ELOVL7: variants seen among roughly 807,000 people sequenced by gnomAD.
ELOVL7 encodes ELOVL fatty acid elongase 7, also known as very long chain fatty acid elongase 7.
Under a neutral mutation model 35.7 loss-of-function variants are expected in ELOVL7, and 27 were observed. The observed-to-expected ratio is 0.76, with a 90% confidence interval of 0.56 to 1.04. The LOEUF is 1.04. ELOVL7 is among the 50% of genes least tolerant of loss of function. ELOVL7 has a pLI of 0.00. For synonymous variants in ELOVL7, 113 were observed against 114.6 expected, an observed-to-expected ratio of 0.99 and a Z score of 0.09; for missense variants, 327 against 340.8, an observed-to-expected ratio of 0.96 and a Z score of 0.32.
At chr5:60,816,262 C>G (rs1745510464) in intron 1 of ELOVL7, among the ~76,000 whole-genome samples, 1 of 151,894 alleles carries the variant, frequency 6.6e-6, no homozygotes, top group African/African-American at 2.4e-5. Context: ...CCCTGTAGTC[C>G]CAGCTACTCA....
At chr5:60,779,499 G>A (rs191341655) in intron 3 of ELOVL7, among the ~76,000 whole-genome samples, 90 of 152,256 alleles carry the variant, frequency 5.9e-4, no homozygotes, top group African/African-American at 2.1e-3. Context: ...AAAGCTTGGG[G>A]CCTGCACCCT....
chr5:60,767,197 C>T (rs921111384), intron 5 of ELOVL7, among the ~76,000 whole-genome samples: 1 of 152,034 alleles, frequency 6.6e-6, no homozygotes, highest in Non-Finnish European at 1.5e-5. Context: ...TGGGTTCAAG[C>T]GATTTTCCTG....
intron 1 of ELOVL7, among the ~76,000 whole-genome samples, chr5:60,803,304 A>T (rs1744749347): frequency 6.6e-6 from 1 of 152,220 alleles, no homozygotes; most frequent in African/African-American, 2.4e-5. Context: ...GGTAGCTCAC[A>T]TGGAAGAAGG....
chr5:60,808,100 T>C (rs1000150260), intron 1 of ELOVL7, among the ~76,000 whole-genome samples: 6 of 119,606 alleles, frequency 5.0e-5, no homozygotes, highest in African/African-American at 1.6e-4. Context: ...AAAAGATAAA[T>C]CAGAAACAGC....
chr5:60,841,726 G>A (rs1457309793), intron 1 of ELOVL7, among the ~76,000 whole-genome samples: 2 of 152,040 alleles, frequency 1.3e-5, no homozygotes, highest in African/African-American at 4.8e-5. Flanking sequence ...TATGTGCTAC[G>A]TTTTTCAATA....
At chr5:60,765,063 G>A (rs56376821) in intron 6 of ELOVL7, among the ~76,000 whole-genome samples, 2,819 of 152,216 alleles carry the variant, frequency 0.019, 105 homozygotes, top group African/African-American at 0.065. Context: ...ATAGCACAAA[G>A]AAAAGTATTA....
At chr5:60,772,236 T>G in intron 3 of ELOVL7, 143 bp from the exon 4 acceptor site, 1 of 585,410 alleles carries the variant, frequency 1.7e-6, no homozygotes, top group South Asian at 2.5e-5. Context: ...TTTAGAAAGG[T>G]GAAAAAGAAA....
At chr5:60,790,783 A>G (rs1230747728) in intron 2 of ELOVL7, among the ~76,000 whole-genome samples, 1 of 152,194 alleles carries the variant, frequency 6.6e-6, no homozygotes, top group Non-Finnish European at 1.5e-5. Flanking sequence ...TCAATTTCCT[A>G]ATCTGTAAAA....
intron 1 of ELOVL7, among the ~76,000 whole-genome samples, chr5:60,820,968 A>G (rs1472709969): frequency 6.6e-6 from 1 of 152,096 alleles, no homozygotes; most frequent in African/African-American, 2.4e-5. Context: ...CTAGTGAATT[A>G]TCTGTTTTTA....
chr5:60,772,142 A>C, intron 3 of ELOVL7, 49 bp from the exon 4 acceptor site: 1 of 1,237,010 alleles, frequency 8.1e-7, no homozygotes, highest in Non-Finnish European at 1.1e-6. Flanking sequence ...CCAAGGGGTA[A>C]CTAACAGCAA....
At chr5:60,797,203 C>T (rs183230188) in intron 2 of ELOVL7, among the ~76,000 whole-genome samples, 210 of 152,250 alleles carry the variant, frequency 1.4e-3, no homozygotes, top group South Asian at 7.0e-3. Flanking sequence ...TGTGTGTATG[C>T]GGCAATATAT....
At chr5:60,825,605 A>G (rs1746123933) in intron 1 of ELOVL7, among the ~76,000 whole-genome samples, 1 of 152,170 alleles carries the variant, frequency 6.6e-6, no homozygotes, top group African/African-American at 2.4e-5. Flanking sequence ...AGACACTGAA[A>G]TATTTGTTGA....
chr5:60,802,991 T>C (rs1482485728), intron 1 of ELOVL7, among the ~76,000 whole-genome samples: 3 of 152,176 alleles, frequency 2.0e-5, no homozygotes, highest in Non-Finnish European at 4.4e-5. Flanking sequence ...CCCTTCCAAA[T>C]AGCACATTCT....
intron 1 of ELOVL7, among the ~76,000 whole-genome samples, chr5:60,819,030 G>A (rs1375274724): frequency 0.013 from 1 of 76 alleles, no homozygotes; most frequent in Non-Finnish European, 0.028. Context: ...AGAGGGGAGG[G>A]GAGGGGAGGG....
intron 8 of ELOVL7, among the ~76,000 whole-genome samples, chr5:60,755,245 G>C (rs1741468121): frequency 1.3e-5 from 2 of 152,026 alleles, no homozygotes; most frequent in Non-Finnish European, 2.9e-5. Context: ...CCTGTTATTG[G>C]ACCAGATATT....
At chr5:60,839,955 G>GCA (rs1747065407) in intron 1 of ELOVL7, among the ~76,000 whole-genome samples, 1 of 151,982 alleles carries the variant, frequency 6.6e-6, no homozygotes, top group Non-Finnish European at 1.5e-5. Context: ...AGCCATGACT[G>GCA]TGCCACTGCA....
At chr5:60,807,197 C>T (rs1292609908) in intron 1 of ELOVL7, among the ~76,000 whole-genome samples, 1 of 151,558 alleles carries the variant, frequency 6.6e-6, no homozygotes, top group African/African-American at 2.4e-5. Context: ...AATGGTACAA[C>T]AGGATTGATT....
intron 3 of ELOVL7, among the ~76,000 whole-genome samples, chr5:60,786,494 T>C (rs1743593461): frequency 6.6e-6 from 1 of 152,186 alleles, no homozygotes; most frequent in African/African-American, 2.4e-5. Flanking sequence ...TGCTATGGCA[T>C]TAATGTCTTC....
chr5:60,770,589 T>C (rs1249159736), intron 4 of ELOVL7, among the ~76,000 whole-genome samples: 2 of 152,226 alleles, frequency 1.3e-5, no homozygotes, highest in Non-Finnish European at 2.9e-5. Flanking sequence ...CAGTTGCTCA[T>C]ACTCCTGAAG....
Sources: allele counts gnomAD v4.1 joint callset (sites outside exome capture counted in the v4.1 genomes callset), GRCh38; gene constraint gnomAD v4.1.1; transcripts MANE v1.5; gene names NCBI Gene and HGNC (gene_info 2026-07-23, HGNC 2026-07-21).